Variants in SCAMP2 observed in about 807,000 individuals in gnomAD.
SCAMP2 encodes the protein secretory carrier membrane protein 2, also known as secretory carrier-associated membrane protein 2.
A neutral mutation model predicts 44.1 loss-of-function variants in SCAMP2; 25 were observed. That is an observed-to-expected ratio of 0.57 (90% CI 0.41 to 0.79). The LOEUF is 0.79. SCAMP2 is among the 30% of genes least tolerant of loss of function. SCAMP2 has a pLI of 0.00. For synonymous variants in SCAMP2, 156 were observed against 166.0 expected (o/e 0.94, Z 0.46); for missense variants, 355 against 411.0 (o/e 0.86, Z 1.18).
chr15:74,851,834 A>G, intron 4 of SCAMP2: 1 of 450,242 alleles, frequency 2.2e-6, no homozygotes, highest in Non-Finnish European at 3.9e-6. Context: ...TCAAAGAATC[A>G]AGGAATTTGA....
At position 74,844,258 on chromosome 15, in the gene SCAMP2, G is replaced by A. The variant is rs2141167472; in HGVS notation, c.*825C>T. On this transcript the variant is annotated 3_prime_UTR_variant, in exon 9 of 9. Transcript: ENST00000268099. ...CAAACCAACCACACCAGGACAGGCA[G>A]ACCCCACCCTCCTAGAAGACGCTGG... is the stretch of plus-strand genomic sequence containing the variant. 6.6e-6 allele frequency: 1 copy of A among 152,160 alleles called. No individual in the cohort carries two copies. The highest frequency in any genetic ancestry group is 6.6e-5 in the Admixed American group (1 of 15,260). The allele number at this position is 152,160 out of a possible 1,614,324, so 9.4% of individuals were successfully genotyped here.
In SCAMP2 at chr15:74,854,025, G is replaced by A. The variant is rs79613336; in HGVS notation, c.221C>T (p.Pro74Leu). 1.5e-5 allele frequency: 24 copies of A among 1,613,428 alleles called. No individual in the cohort carries two copies. Among genetic ancestry groups the A allele is most frequent in the Middle Eastern group, 1.7e-4 (1 of 5,974 alleles). The change falls in exon 3 of 9, where the codon CCC becomes CTC. Residue 74 changes from proline to leucine, a missense_variant. Coordinates refer to ENST00000268099, the MANE Select transcript of SCAMP2 (RefSeq NM_005697.5). ...QPSVEPTQPT[P>L]QAVVSAAQAG... ...AGAGTTCTTTGTCAGCACTACCTGG[G>A]GGGTCGGCTGGGTTGGTTCCACTGA... is the stretch of plus-strand genomic sequence containing the variant.
rs564521289 is a variant in SCAMP2, at chr15:74,873,326, C to T, written c.-71G>A. ...CGGGCACCCAGACCCAGCGGCGCTT[C>T]GTGTAGACCCTCCACTTCCGGGAGC... On this transcript the variant is annotated 5_prime_UTR_variant, in exon 1 of 9. Coordinates refer to ENST00000268099, the MANE Select transcript of SCAMP2 (RefSeq NM_005697.5). 8.3e-6 allele frequency: 11 copies of T among 1,327,386 alleles called. No individual in the cohort carries two copies. The South Asian group carries it at 1.5e-4, about 18-fold the overall frequency. 82.2% of individuals were successfully genotyped at this position (1,327,386 alleles called of 1,614,324 possible).
At chr15:74,863,540 G>C (rs1227627572) in intron 1 of SCAMP2, among the ~76,000 whole-genome samples, 1 of 151,606 alleles carries the variant, frequency 6.6e-6, no homozygotes, top group Non-Finnish European at 1.5e-5. Flanking sequence ...AAGTGAGCAA[G>C]GTACACTCAG....
chr15:74,852,232 A>G, intron 3 of SCAMP2, 46 bp from the exon 4 acceptor site: 1 of 1,351,460 alleles, frequency 7.4e-7, no homozygotes, highest in Non-Finnish European at 9.8e-7. Flanking sequence ...CACAACAAAC[A>G]GAAACAGTGT....
At chr15:74,863,322 G>C (rs571917540) in intron 1 of SCAMP2, among the ~76,000 whole-genome samples, 1 of 151,168 alleles carries the variant, frequency 6.6e-6, no homozygotes, top group South Asian at 2.1e-4. Flanking sequence ...ACTCCAGCCT[G>C]GGCAACAGAG....
intron 5 of SCAMP2, 26 bp from the exon 6 acceptor site, chr15:74,850,699 A>AT (rs753690648): frequency 4.8e-5 from 78 of 1,612,164 alleles, no homozygotes; most frequent in Non-Finnish European, 6.4e-5. Flanking sequence ...GGACAGAGTT[A>AT]TGACTTGTGC....
chr15:74,863,568 C>T (rs975718340), intron 1 of SCAMP2, among the ~76,000 whole-genome samples: 3 of 151,948 alleles, frequency 2.0e-5, no homozygotes, highest in African/African-American at 4.8e-5. Flanking sequence ...TTCCTGCCAC[C>T]GGCTGCAATG....
intron 1 of SCAMP2, among the ~76,000 whole-genome samples, chr15:74,855,879 TA>T (rs1225337991): frequency 6.6e-6 from 1 of 152,152 alleles, no homozygotes; most frequent in Non-Finnish European, 1.5e-5. Context: ...GGGGGTTTTT[TA>T]AAGTCTTTTC....
intron 1 of SCAMP2, among the ~76,000 whole-genome samples, chr15:74,869,926 A>G (rs1377804908): frequency 6.6e-6 from 1 of 152,138 alleles, no homozygotes; most frequent in Non-Finnish European, 1.5e-5. Context: ...ACACCTCCCA[A>G]CGTCCTAGCC....
At chr15:74,871,476 G>C (rs2064574791) in intron 1 of SCAMP2, among the ~76,000 whole-genome samples, 1 of 151,958 alleles carries the variant, frequency 6.6e-6, no homozygotes, top group Non-Finnish European at 1.5e-5. Context: ...AAGAGGGCTG[G>C]GCGCAGTGGT....
At chr15:74,861,694 C>T (rs1368930070) in intron 1 of SCAMP2, among the ~76,000 whole-genome samples, 2 of 151,756 alleles carry the variant, frequency 1.3e-5, no homozygotes, top group African/African-American at 4.8e-5. Flanking sequence ...GTCAGGAGAT[C>T]GAGACCATCC....
intron 1 of SCAMP2, among the ~76,000 whole-genome samples, chr15:74,862,674 A>AT (rs892586822): frequency 6.6e-6 from 1 of 151,414 alleles, no homozygotes; most frequent in Non-Finnish European, 1.5e-5. Context: ...TGGTCATGTT[A>AT]TTTTGATTTT....
intron 3 of SCAMP2, chr15:74,853,360 A>AG: frequency 2.2e-6 from 1 of 455,908 alleles, no homozygotes; most frequent in South Asian, 1.5e-5. Context: ...CATCTACATT[A>AG]GGCCTACCTT....
chr15:74,871,851 T>A (rs186524140), intron 1 of SCAMP2, among the ~76,000 whole-genome samples: 2 of 145,206 alleles, frequency 1.4e-5, no homozygotes, highest in East Asian at 4.2e-4. Flanking sequence ...TTGAGACCAG[T>A]CTGGCCAATA....
intron 3 of SCAMP2, 61 bp from the exon 4 acceptor site, chr15:74,852,247 C>CTGGG: frequency 7.9e-7 from 1 of 1,262,702 alleles, no homozygotes; most frequent in Non-Finnish European, 1.0e-6. Context: ...CAGTGTCAGC[C>CTGGG]TGGGTAGGCA....
chr15:74,868,160 A>G (rs1228954651), intron 1 of SCAMP2, among the ~76,000 whole-genome samples: 2 of 152,232 alleles, frequency 1.3e-5, no homozygotes, highest in East Asian at 3.8e-4. Context: ...TGTGAAATCA[A>G]CAACACTTGG....
intron 7 of SCAMP2, among the ~76,000 whole-genome samples, chr15:74,845,914 T>C (rs189894827): frequency 1.3e-5 from 2 of 152,232 alleles, no homozygotes; most frequent in African/African-American, 4.8e-5. Flanking sequence ...TCCCAGCACT[T>C]TGGGAGGCTG....
Position 74,845,072 on chromosome 15 carries a change from AGAGAG to A in SCAMP2, c.*6_*10del. The A allele has an allele frequency of 6.2e-7, 1 of 1,610,880 alleles. No homozygotes were observed. The highest frequency in any genetic ancestry group is 8.5e-7 in the Non-Finnish European group (1 of 1,177,622). On this transcript the variant is annotated 3_prime_UTR_variant, in exon 9 of 9. Transcript: ENST00000268099. ...CGAGAGAAAGGCTGAGGGGGAGAGA[AGAGAG>A]GAGGACTAATTCCCCTGGAAGGCTC... is the stretch of plus-strand genomic sequence containing the variant.
Sources: allele counts gnomAD v4.1 joint callset (sites outside exome capture counted in the v4.1 genomes callset), GRCh38; gene constraint gnomAD v4.1.1; transcripts MANE v1.5; gene names NCBI Gene and HGNC (gene_info 2026-07-23, HGNC 2026-07-21).